The following KALRN variants were observed in gnomAD, a reference collection of about 807,000 sequenced individuals.
The protein encoded by KALRN is kalirin RhoGEF kinase, also known as kalirin.
In KALRN, 70 loss-of-function variants were observed where a neutral mutation model predicts 353.7. That is an observed-to-expected ratio of 0.20 (90% CI 0.16 to 0.24). KALRN has a LOEUF of 0.24. Ranked by LOEUF, KALRN falls within the 10% of genes least tolerant of loss-of-function variation. The pLI is 1.00. For synonymous variants in KALRN, 1,391 were observed against 1,434.8 expected, an observed-to-expected ratio of 0.97 and a Z score of 0.69; for missense variants, 2,791 against 3,756.7, an observed-to-expected ratio of 0.74 and a Z score of 6.72.
chr3:124,265,321 G>A (rs560982671), intron 4 of KALRN, among the ~76,000 whole-genome samples: 1 of 28,238 alleles, frequency 3.5e-5, no homozygotes, highest in Admixed American at 4.1e-4. Flanking sequence ...TTGAGATAGA[G>A]TCTCACTCTG....
chr3:124,693,615 A>G (rs1032886946), intron 51 of KALRN, among the ~76,000 whole-genome samples, 189 bp from the exon 52 acceptor site: 1 of 152,200 alleles, frequency 6.6e-6, no homozygotes, highest in Non-Finnish European at 1.5e-5. Flanking sequence ...AGAGTAAACC[A>G]AGTGCCAATT....
In KALRN at chr3:124,536,232, A is replaced by G. The variant is rs543368406; in HGVS notation, c.4936-26611A>G. ...TTTTTTTTTTTTGAGATGGAGTTTC[A>G]CACTTGTCACCAAGGCTGGAGTGCA... is the stretch of plus-strand genomic sequence containing the variant. On this transcript the variant is annotated intron_variant, in intron 33 of 59. Coordinates refer to ENST00000682506, the MANE Select transcript of KALRN (RefSeq NM_001388419.1). Among the ~76,000 whole-genome samples, 9 of 113,548 alleles carry G rather than the reference A, an allele frequency of 7.9e-5. No homozygotes were observed. In the East Asian group the frequency reaches 2.3e-3, roughly 29 times the overall value. 74.5% of individuals were successfully genotyped at this position (113,548 alleles called of 152,430 possible). A position where few individuals can be genotyped will look rare whatever the true frequency, so the allele number is the denominator to read the frequency against.
rs373661002 is a variant in KALRN, at chr3:124,173,911, T to A, written c.74-54079T>A. Among the ~76,000 whole-genome samples, 40 of 152,194 alleles carry A rather than the reference T, an allele frequency of 2.6e-4. No homozygotes were observed. The East Asian group carries it at 7.0e-3, about 27-fold the overall frequency. On this transcript the variant is annotated intron_variant, in intron 1 of 59. Transcript: ENST00000682506. ...TTACAGGCATGAGCCACCGTCCCTG[T>A]GCTTTTGAATGGCCATGTGTCAGGG...
At chr3:124,374,549 C>T (rs1350245935) in intron 10 of KALRN, 2 of 152,250 alleles carry the variant, frequency 1.3e-5, no homozygotes, top group Non-Finnish European at 2.9e-5. Context: ...TGGCCAAACC[C>T]TCTGATTTGG....
intron 34 of KALRN, among the ~76,000 whole-genome samples, chr3:124,630,975 C>T (rs1436404750): frequency 6.6e-6 from 1 of 152,194 alleles, no homozygotes; most frequent in East Asian, 1.9e-4. Flanking sequence ...CATTCCACTA[C>T]AGCTGCTTTT....
intron 27 of KALRN, 135 bp downstream of exon 27, chr3:124,477,469 G>A: frequency 4.5e-6 from 3 of 672,694 alleles, no homozygotes; most frequent in Admixed American, 2.9e-5. Flanking sequence ...CTTAAGCATG[G>A]AAAAAAAGCA....
chr3:124,135,676 G>C (rs1340629780), intron 1 of KALRN, among the ~76,000 whole-genome samples: 1 of 149,308 alleles, frequency 6.7e-6, no homozygotes, highest in Non-Finnish European at 1.5e-5. Context: ...TGGGATTATG[G>C]AGATGGCTGC....
intron 1 of KALRN, among the ~76,000 whole-genome samples, chr3:124,116,213 T>A (rs1401912486): frequency 1.3e-5 from 2 of 152,188 alleles, no homozygotes; most frequent in Non-Finnish European, 2.9e-5. Context: ...AGTCTTTTAG[T>A]AGCATTTTAT....
chr3:124,496,431 C>A lies in KALRN; in HGVS notation c.4935+18C>A, dbSNP rs372858555. The A allele has an allele frequency of 6.4e-7, 1 of 1,569,010 alleles. No individual in the cohort carries two copies. The highest frequency in any genetic ancestry group is 8.8e-7 in the Non-Finnish European group (1 of 1,138,982). On this transcript the variant is annotated intron_variant, in intron 33 of 59. Coordinates refer to ENST00000682506, the MANE Select transcript of KALRN (RefSeq NM_001388419.1). Reference sequence around the variant, plus strand: ...GTGACAAGGTAGGACAGAGTCCTAACCTTCCTTCCCCTGAGACTTCTTGAT... The same window carrying A: ...GTGACAAGGTAGGACAGAGTCCTAAACTTCCTTCCCCTGAGACTTCTTGAT...
chr3:124,626,336 A>G (rs2079951161), intron 34 of KALRN, among the ~76,000 whole-genome samples: 1 of 152,234 alleles, frequency 6.6e-6, no homozygotes. Flanking sequence ...CAACTGGGCA[A>G]CATAAAAGGC....
chr3:124,465,716 C>A (rs577140212), intron 25 of KALRN, among the ~76,000 whole-genome samples: 2 of 152,082 alleles, frequency 1.3e-5, no homozygotes, highest in Non-Finnish European at 2.9e-5. Context: ...TTGTATTATT[C>A]CAAAGTTGCA....
chr3:124,650,992 A>C, intron 38 of KALRN, 54 bp downstream of exon 38: 1 of 1,602,796 alleles, frequency 6.2e-7, no homozygotes, highest in Admixed American at 1.7e-5. Flanking sequence ...GCGGTGGACA[A>C]TGGACAAAGG....
intron 5 of KALRN, among the ~76,000 whole-genome samples, chr3:124,292,491 C>G (rs2076506759): frequency 6.6e-6 from 1 of 152,128 alleles, no homozygotes; most frequent in Non-Finnish European, 1.5e-5. Flanking sequence ...AAGTAAGATT[C>G]CCTGGTCAGG....
intron 33 of KALRN, among the ~76,000 whole-genome samples, chr3:124,533,672 A>G (rs1407145806): frequency 1.3e-5 from 2 of 152,136 alleles, no homozygotes; most frequent in Non-Finnish European, 2.9e-5. Flanking sequence ...ACAAATAAAG[A>G]AACTGTTGAG....
At chr3:124,584,044 T>C (rs1462588984) in intron 34 of KALRN, among the ~76,000 whole-genome samples, 1 of 152,026 alleles carries the variant, frequency 6.6e-6, no homozygotes, top group African/African-American at 2.4e-5. Context: ...CCGTGGAATA[T>C]AGGAATTCTT....
chr3:124,282,337 A>G (rs2075418406), intron 5 of KALRN, among the ~76,000 whole-genome samples: 1 of 151,574 alleles, frequency 6.6e-6, no homozygotes, highest in Non-Finnish European at 1.5e-5. Flanking sequence ...TAAAAACATT[A>G]TCATGTGTTA....
chr3:124,696,328 A>G (rs1339278662), intron 54 of KALRN, 73 bp downstream of exon 54: 1 of 1,446,256 alleles, frequency 6.9e-7, no homozygotes, highest in Non-Finnish European at 9.5e-7. Flanking sequence ...TCTGCTGCCC[A>G]GGCATGATCT....
intron 38 of KALRN, among the ~76,000 whole-genome samples, chr3:124,654,661 C>T (rs1388210261): frequency 1.3e-5 from 2 of 151,950 alleles, no homozygotes; most frequent in Non-Finnish European, 2.9e-5. Context: ...TCAAGGACTC[C>T]CAAGAGCCAG....
chr3:124,702,855 C>T (rs995979700), intron 57 of KALRN, among the ~76,000 whole-genome samples: 4 of 151,974 alleles, frequency 2.6e-5, no homozygotes, highest in African/African-American at 9.7e-5. Context: ...AGTGTGTCCT[C>T]AAAAATAAAA....
Sources: allele counts gnomAD v4.1 joint callset (sites outside exome capture counted in the v4.1 genomes callset), GRCh38; gene constraint gnomAD v4.1.1; transcripts MANE v1.5; gene names NCBI Gene and HGNC (gene_info 2026-07-23, HGNC 2026-07-21).